Variants in GLYATL3 observed in about 807,000 individuals in gnomAD.
GLYATL3 encodes the protein glycine-N-acyltransferase like 3.
Under a neutral mutation model 28.5 loss-of-function variants are expected in GLYATL3, and 31 were observed. That is an observed-to-expected ratio of 1.09 (90% CI 0.82 to 1.47). GLYATL3 has a LOEUF of 1.47. GLYATL3 is among the 40% of genes most tolerant of loss of function. The pLI is 0.00. For synonymous variants in GLYATL3, 141 were observed against 140.2 expected (o/e 1.01, Z -0.04); for missense variants, 369 against 351.5 (o/e 1.05, Z -0.40).
At chr6:49,507,618 G>A (rs13220023) in intron 1 of GLYATL3, among the ~76,000 whole-genome samples, 13,898 of 152,200 alleles carry the variant, frequency 0.091, 881 homozygotes, top group Middle Eastern at 0.2. Flanking sequence ...AAGACCAGTC[G>A]TCATGAACCT....
At position 49,521,759 on chromosome 6, in the gene GLYATL3, A is replaced by G. The variant is rs1165735595; in HGVS notation, c.428A>G (p.Asp143Gly). 1 of 1,551,358 alleles carries G rather than the reference A, an allele frequency of 6.4e-7. No homozygotes were observed. Among genetic ancestry groups the G allele is most frequent in the African/African-American group, 1.4e-5 (1 of 73,050 alleles). Residue 143 changes from aspartate to glycine, a missense_variant, in exon 5 of 6, where the codon GAT becomes GGT. Physicochemically the swap from Asp to Gly is moderately conservative, Grantham distance 94 (BLOSUM62 -1). Transcript: ENST00000371197. ...VHFSPVSSLP[D>G]TSFLKGPSPR... Reference sequence around the variant, plus strand: ...TTTTCTCCTGTTTCATCTCTGCCAGATACCAGTTTCCTGTATGTAAACCAA... The same window carrying G: ...TTTTCTCCTGTTTCATCTCTGCCAGGTACCAGTTTCCTGTATGTAAACCAA...
intron 2 of GLYATL3, among the ~76,000 whole-genome samples, chr6:49,515,186 G>A (rs571025259): frequency 6.6e-6 from 1 of 152,116 alleles, no homozygotes; most frequent in African/African-American, 2.4e-5. Flanking sequence ...TTGTAATTTA[G>A]GGTTGAAGAA....
At chr6:49,512,575 G>A (rs1194634362) in intron 2 of GLYATL3, among the ~76,000 whole-genome samples, 2 of 152,052 alleles carry the variant, frequency 1.3e-5, no homozygotes, top group Non-Finnish European at 2.9e-5. Context: ...TAGCAGAAGG[G>A]TATGGACTAG....
intron 1 of GLYATL3, among the ~76,000 whole-genome samples, chr6:49,511,672 T>C (rs1581868089): frequency 6.6e-6 from 1 of 152,128 alleles, no homozygotes; most frequent in Non-Finnish European, 1.5e-5. Context: ...AAATACAAAA[T>C]TACAACTGTT....
chr6:49,526,423 A>G, intron 5 of GLYATL3, 65 bp from the exon 6 acceptor site: 1 of 1,364,918 alleles, frequency 7.3e-7, no homozygotes, highest in Non-Finnish European at 1.0e-6. Flanking sequence ...GAAAAAAAAA[A>G]TGTGTAGTTA....
chr6:49,526,617 T>A lies in GLYATL3; in HGVS notation c.570T>A (p.Ser190Arg), dbSNP rs557074950. The A allele has an allele frequency of 6.4e-7, 1 of 1,551,942 alleles. No homozygotes were observed. The highest frequency in any genetic ancestry group is 2.4e-5 in the East Asian group (1 of 40,898). The change falls in exon 6 of 6, where the codon AGT becomes AGA. Residue 190 changes from serine to arginine, a missense_variant. Ser to Arg is a moderately radical substitution (Grantham distance 110). Transcript: ENST00000371197. The part of the protein sequence containing the change: ...YIANLISCFP[S>R]VCVRDEKGNP... ...CCAACCTCATCTCCTGCTTCCCTAG[T>A]GTGTGTGTCCGGGATGAGAAGGGAA...
At chr6:49,500,918 AT>A (rs1394760504) in intron 1 of GLYATL3, among the ~76,000 whole-genome samples, 1 of 152,248 alleles carries the variant, frequency 6.6e-6, no homozygotes, top group Non-Finnish European at 1.5e-5. Flanking sequence ...TTAATGAAAG[AT>A]CCTTATGAAA....
intron 1 of GLYATL3, among the ~76,000 whole-genome samples, chr6:49,504,096 G>C (rs1049755481): frequency 6.6e-6 from 1 of 152,302 alleles, no homozygotes; most frequent in South Asian, 2.1e-4. Context: ...GTGACAGAGG[G>C]TAAAAGGATC....
intron 5 of GLYATL3, among the ~76,000 whole-genome samples, chr6:49,523,736 G>C (rs2127239923): frequency 6.6e-6 from 1 of 152,312 alleles, no homozygotes; most frequent in Admixed American, 6.5e-5. Context: ...TTTTAAGCTT[G>C]TTTTGAATCA....
chr6:49,517,415 T>C lies in GLYATL3; in HGVS notation c.187-15T>C. 1 of 1,500,504 alleles carries C rather than the reference T, an allele frequency of 6.7e-7. No individual in the cohort carries two copies. Among genetic ancestry groups the C allele is most frequent in the Non-Finnish European group, 8.9e-7 (1 of 1,123,558 alleles). 92.9% of individuals were successfully genotyped at this position (1,500,504 alleles called of 1,614,324 possible). Reference sequence around the variant, plus strand: ...TAATACGTTTATGTTTTTGTGATTATGTCTTCTGTCCTAGGCTGAGACAGA... The same window carrying C: ...TAATACGTTTATGTTTTTGTGATTACGTCTTCTGTCCTAGGCTGAGACAGA... On this transcript the variant is annotated splice_polypyrimidine_tract_variant and intron_variant, in intron 3 of 5. Coordinates refer to ENST00000371197, the MANE Select transcript of GLYATL3 (RefSeq NM_001010904.2).
chr6:49,503,403 G>T (rs1469920925), intron 1 of GLYATL3, among the ~76,000 whole-genome samples: 6 of 152,160 alleles, frequency 3.9e-5, no homozygotes, highest in African/African-American at 1.2e-4. Flanking sequence ...TCCTAAGTGG[G>T]GAACAATGAG....
chr6:49,524,631 GA>G (rs1191872697), intron 5 of GLYATL3, among the ~76,000 whole-genome samples: 3 of 152,100 alleles, frequency 2.0e-5, no homozygotes, highest in African/African-American at 7.2e-5. Context: ...ACTGCCAATG[GA>G]AAAGTTGAAG....
intron 1 of GLYATL3, among the ~76,000 whole-genome samples, chr6:49,502,574 A>G (rs531615899): frequency 1.3e-5 from 2 of 152,312 alleles, no homozygotes; most frequent in South Asian, 4.1e-4. Context: ...TTATAATTCT[A>G]TCTCCCATCC....
In GLYATL3 at chr6:49,526,635, G is replaced by C; in HGVS notation, c.588G>C (p.Glu196Asp). 1 of 1,551,928 alleles carries C rather than the reference G, an allele frequency of 6.4e-7. No homozygotes were observed. Reference protein sequence around the residue: ...SCFPSVCVRDEKGNPVSWSIT... With the variant: ...SCFPSVCVRDDKGNPVSWSIT... ...TCCCTAGTGTGTGTGTCCGGGATGA[G>C]AAGGGAAACCCGGTCTCCTGGTCCA... The change falls in exon 6 of 6, where the codon GAG becomes GAC. Residue 196 changes from glutamate to aspartate, a missense_variant. By Grantham distance (45) the Glu-to-Asp change is conservative. Transcript: ENST00000371197.
At chr6:49,501,804 G>A (rs1231682817) in intron 1 of GLYATL3, among the ~76,000 whole-genome samples, 8 of 152,172 alleles carry the variant, frequency 5.3e-5, no homozygotes, top group East Asian at 3.9e-4. Context: ...CAAGATGAGC[G>A]TGTTATAGCC....
At chr6:49,511,725 A>G (rs765229757) in intron 1 of GLYATL3, among the ~76,000 whole-genome samples, 9 of 152,232 alleles carry the variant, frequency 5.9e-5, no homozygotes, top group Non-Finnish European at 1.0e-4. Flanking sequence ...ATCAATGTAT[A>G]TAATAGACTT....
At position 49,521,758 on chromosome 6, in the gene GLYATL3, G is replaced by T. The variant is rs1165575217; in HGVS notation, c.427G>T (p.Asp143Tyr). 5 of 1,551,406 alleles carry T rather than the reference G, an allele frequency of 3.2e-6. No individual in the cohort carries two copies. Among genetic ancestry groups the T allele is most frequent in the Non-Finnish European group, 3.5e-6 (4 of 1,146,866 alleles). Reference protein sequence around the residue: ...VHFSPVSSLPDTSFLKGPSPR... With the variant: ...VHFSPVSSLPYTSFLKGPSPR... Reference sequence around the variant, plus strand: ...TTTTTCTCCTGTTTCATCTCTGCCAGATACCAGTTTCCTGTATGTAAACCA... The same window carrying T: ...TTTTTCTCCTGTTTCATCTCTGCCATATACCAGTTTCCTGTATGTAAACCA... Residue 143 changes from aspartate to tyrosine, a missense_variant, in exon 5 of 6, where the codon GAT becomes TAT. Physicochemically the swap from Asp to Tyr is radical, Grantham distance 160. Coordinates refer to ENST00000371197, the MANE Select transcript of GLYATL3 (RefSeq NM_001010904.2).
Position 49,526,610 on chromosome 6 carries a change from T to A in GLYATL3, c.563T>A (p.Phe188Tyr), listed in dbSNP as rs1561981299. Reference protein sequence around the residue: ...LRYIANLISCFPSVCVRDEKG... With the variant: ...LRYIANLISCYPSVCVRDEKG... ...TACATCGCCAACCTCATCTCCTGCTTCCCTAGTGTGTGTGTCCGGGATGAG... is the reference window on the plus strand; with the variant it reads ...TACATCGCCAACCTCATCTCCTGCTACCCTAGTGTGTGTGTCCGGGATGAG... The change falls in exon 6 of 6, where the codon TTC (phenylalanine) becomes TAC (tyrosine). Residue 188 changes from phenylalanine (F) to tyrosine (Y), a missense_variant. By Grantham distance (22) the Phe-to-Tyr change is conservative. Coordinates refer to ENST00000371197, the MANE Select transcript of GLYATL3 (RefSeq NM_001010904.2). 2 of 1,551,942 alleles carry A rather than the reference T, an allele frequency of 1.3e-6. No homozygotes were observed. The highest frequency in any genetic ancestry group is 1.7e-6 in the Non-Finnish European group (2 of 1,147,034).
At chr6:49,509,948 C>CTTCCTTTTTCTTTCTT (rs68151540) in intron 1 of GLYATL3, among the ~76,000 whole-genome samples, 2 of 100,166 alleles carry the variant, frequency 2.0e-5, no homozygotes, top group Non-Finnish European at 2.3e-5. Flanking sequence ...TATTTTCTTT[C>CTTCCTTTTTCTTTCTT]TCTTTCTTTC....
Sources: gnomAD v4.1 joint callset for allele counts (sites outside exome capture counted in the v4.1 genomes callset) on GRCh38, gnomAD v4.1.1 for gene constraint, MANE v1.5 for transcripts, NCBI Gene and HGNC (gene_info 2026-07-23, HGNC 2026-07-21) for gene names.